The following RTTN variants were observed in gnomAD, a reference collection of about 807,000 sequenced individuals.
RTTN encodes rotatin.
In RTTN, 182 loss-of-function variants were observed where a neutral mutation model predicts 269.2. The ratio of observed to expected loss-of-function variants is 0.68; its 90% CI spans 0.60 to 0.76. The LOEUF is 0.76. RTTN is among the 30% of genes least tolerant of loss of function. The pLI, the probability that RTTN is intolerant of heterozygous loss-of-function variation, is 0.00. For missense variants in RTTN, 2,545 were observed against 2,608.6 expected (o/e 0.98, Z 0.53); for synonymous variants, 1,006 against 963.5 (o/e 1.04, Z -0.82).
chr18:70,086,414 C>T (rs1329977429), intron 32 of RTTN, among the ~76,000 whole-genome samples, 199 bp downstream of exon 32: 1 of 151,958 alleles, frequency 6.6e-6, no homozygotes. Flanking sequence ...TTATTATTTG[C>T]TTTAAATTAT....
intron 40 of RTTN, among the ~76,000 whole-genome samples, chr18:70,038,283 G>A (rs937433689): frequency 6.6e-6 from 1 of 152,128 alleles, no homozygotes; most frequent in Non-Finnish European, 1.5e-5. Flanking sequence ...AGCAGGTAGC[G>A]ACTGCAGTGG....
At chr18:70,016,357 G>A (rs1057292628) in intron 46 of RTTN, among the ~76,000 whole-genome samples, 2 of 152,174 alleles carry the variant, frequency 1.3e-5, no homozygotes, top group African/African-American at 2.4e-5. Flanking sequence ...CAGAAATAGC[G>A]CTAGGCACTT....
chr18:70,016,694 G>C (rs1007735967), intron 46 of RTTN, among the ~76,000 whole-genome samples: 3 of 151,962 alleles, frequency 2.0e-5, no homozygotes, highest in African/African-American at 7.3e-5. Context: ...CTACATCTCA[G>C]AGAATGAAGT....
At chr18:70,019,002 T>A (rs2056625765) in intron 45 of RTTN, among the ~76,000 whole-genome samples, 1 of 151,960 alleles carries the variant, frequency 6.6e-6, no homozygotes, top group African/African-American at 2.4e-5. Flanking sequence ...GTCCTACAGA[T>A]GAGTAATGAA....
chr18:70,057,872 T>C lies in RTTN; in HGVS notation c.4941-40A>G, dbSNP rs779312978. The C allele has an allele frequency of 3.7e-6, 5 of 1,363,258 alleles. No individual in the cohort carries two copies. In the Admixed American group the frequency reaches 5.4e-5, roughly 15 times the overall value. The allele number at this position is 1,363,258 out of a possible 1,614,324, so 84.4% of individuals were successfully genotyped here. ...AAAAGAAAATCCTTCAGAAGATTAG[T>C]ATACTTTTTATTAAAGATTAAGAAA... On this transcript the variant is annotated intron_variant, in intron 36 of 48. Coordinates refer to ENST00000640769, the MANE Select transcript of RTTN (RefSeq NM_173630.4).
intron 28 of RTTN, among the ~76,000 whole-genome samples, chr18:70,102,549 T>C (rs1175548217): frequency 6.6e-6 from 1 of 152,222 alleles, no homozygotes; most frequent in East Asian, 1.9e-4. Flanking sequence ...TATCTTTTAA[T>C]TGGAGCATTT....
chr18:70,150,532 C>G, intron 15 of RTTN, 76 bp downstream of exon 15: 1 of 1,381,380 alleles, frequency 7.2e-7, no homozygotes. Context: ...GCTATCTAAA[C>G]TATATTAGAA....
Position 70,188,160 on chromosome 18 carries a change from T to C in RTTN, c.1253A>G (p.Glu418Gly). The C allele has an allele frequency of 6.2e-7, 1 of 1,612,536 alleles. No homozygotes were observed. Among genetic ancestry groups the C allele is most frequent in the Non-Finnish European group, 8.5e-7 (1 of 1,178,730 alleles). Residue 418 changes from glutamate (E) to glycine (G), a missense_variant, in exon 10 of 49, where the codon GAA becomes GGA. Physicochemically the swap from Glu to Gly is moderately conservative, Grantham distance 98. Coordinates refer to ENST00000640769, the MANE Select transcript of RTTN (RefSeq NM_173630.4). ...ATCCCAGATATCTGTTGAAATTGCT[T>C]CACCAATAAGTGTCATATCCTCTGT... ...LLTEDMTLIG[E>G]AISTDIWDDS...
At chr18:70,113,250 T>C (rs1411834489) in intron 27 of RTTN, among the ~76,000 whole-genome samples, 1 of 152,168 alleles carries the variant, frequency 6.6e-6, no homozygotes, top group African/African-American at 2.4e-5. Context: ...AGATGTTGAA[T>C]AGGTATTTCT....
At chr18:70,118,711 A>G (rs2059659317) in intron 26 of RTTN, among the ~76,000 whole-genome samples, 1 of 152,134 alleles carries the variant, frequency 6.6e-6, no homozygotes, top group Non-Finnish European at 1.5e-5. Context: ...ACTGAAACCA[A>G]GAGCACAATA....
chr18:70,024,593 G>T (rs1477058075), intron 44 of RTTN, 129 bp downstream of exon 44: 1 of 809,760 alleles, frequency 1.2e-6, no homozygotes, highest in Non-Finnish European at 1.9e-6. Context: ...GCTTGCCTTT[G>T]CCCATCATAT....
Position 70,127,733 on chromosome 18 carries a change from T to C in RTTN, c.3152A>G (p.Asp1051Gly). 1 of 1,609,076 alleles carries C rather than the reference T, an allele frequency of 6.2e-7. No homozygotes were observed. The highest frequency in any genetic ancestry group is 1.7e-5 in the Admixed American group (1 of 59,604). ...GTCCTCTGTAGATAACTTCAATGCA[T>C]CTAAAATTCTAGACAAAAAGAAAAA... ...NSETKTQEIL[D>G]ALKLSTEDIL... Residue 1051 changes from aspartate to glycine, a missense_variant, in exon 25 of 49, where the codon GAT becomes GGT. Physicochemically the swap from Asp to Gly is moderately conservative, Grantham distance 94. Transcript: ENST00000640769.
intron 28 of RTTN, among the ~76,000 whole-genome samples, chr18:70,103,651 C>G (rs927442786): frequency 4.6e-5 from 7 of 151,778 alleles, no homozygotes; most frequent in African/African-American, 1.7e-4. Context: ...CCTAGGAAAA[C>G]CAGAGACCTT....
chr18:70,092,440 T>G (rs564840546), intron 29 of RTTN, among the ~76,000 whole-genome samples: 2 of 152,342 alleles, frequency 1.3e-5, no homozygotes, highest in African/African-American at 4.8e-5. Context: ...TCCCATAATG[T>G]AGACAAAATG....
chr18:70,184,189 C>T (rs2061481348), intron 10 of RTTN, among the ~76,000 whole-genome samples: 1 of 152,064 alleles, frequency 6.6e-6, no homozygotes, highest in Non-Finnish European at 1.5e-5. Flanking sequence ...TGGACAAGAC[C>T]CAAAACTGAA....
intron 14 of RTTN, among the ~76,000 whole-genome samples, chr18:70,159,072 G>A (rs925319996): frequency 3.1e-4 from 47 of 152,110 alleles, no homozygotes; most frequent in Middle Eastern, 6.8e-3. Flanking sequence ...ACCTAAACTC[G>A]ACACCTGACC....
At chr18:70,090,741 C>T (rs2145223604) in intron 30 of RTTN, among the ~76,000 whole-genome samples, 1 of 152,316 alleles carries the variant, frequency 6.6e-6, no homozygotes, top group South Asian at 2.1e-4. Context: ...AATGATGACC[C>T]TGCCCAGTGC....
chr18:70,097,941 C>T (rs1297097454), intron 28 of RTTN, among the ~76,000 whole-genome samples: 4 of 152,134 alleles, frequency 2.6e-5, no homozygotes, highest in Non-Finnish European at 5.9e-5. Context: ...CTTTAGTTAC[C>T]GCTGTGGCAG....
chr18:70,140,133 C>T lies in RTTN; in HGVS notation c.2637G>A (p.Glu879=), dbSNP rs767101217. The part of the protein sequence containing the change: ...KKLCLIDKII[E]YLNECVSQDG... The stretch of plus-strand genomic sequence containing the variant: ...CTTGACTCACACATTCATTTAAATA[C>T]TCAATTATTTTGTCAATTAAGCATA... Residue 879 remains glutamate (E), a synonymous_variant, in exon 20 of 49, where the codon GAG becomes GAA. Transcript: ENST00000640769. The T allele has an allele frequency of 9.4e-6, 15 of 1,600,382 alleles. 1 individual carries two copies. The South Asian group carries it at 1.5e-4, about 16-fold the overall frequency.
Sources: gnomAD v4.1 joint callset for allele counts (sites outside exome capture counted in the v4.1 genomes callset) on GRCh38, gnomAD v4.1.1 for gene constraint, MANE v1.5 for transcripts, NCBI Gene and HGNC (gene_info 2026-07-23, HGNC 2026-07-21) for gene names.